Variants in MAPT observed in about 807,000 individuals in gnomAD.
MAPT encodes the protein microtubule-associated protein tau.
In MAPT, 34 loss-of-function variants were observed where a neutral mutation model predicts 67.9. The ratio of observed to expected loss-of-function variants is 0.50; its 90% CI spans 0.38 to 0.67. The LOEUF is 0.67. Ranked by LOEUF, MAPT falls within the 30% of genes least tolerant of loss-of-function variation. MAPT has a pLI of 0.00. For synonymous variants in MAPT, 456 were observed against 464.5 expected (o/e 0.98, Z 0.23); for missense variants, 881 against 1,115.2 (o/e 0.79, Z 2.99).
At chr17:46,009,933 C>T (rs779678209) in intron 9 of MAPT, among the ~76,000 whole-genome samples, 26 of 152,186 alleles carry the variant, frequency 1.7e-4, no homozygotes, top group Non-Finnish European at 2.6e-4. Context: ...ATTACTCACT[C>T]GTCAGTGTGG....
chr17:45,965,291 G>A (rs1474732502), intron 2 of MAPT, among the ~76,000 whole-genome samples: 2 of 151,822 alleles, frequency 1.3e-5, no homozygotes, highest in East Asian at 4.0e-4. Flanking sequence ...TTAACCAGGT[G>A]TGGTGGTGGG....
At chr17:45,972,230 C>A (rs374978015) in intron 3 of MAPT, 8 of 612,648 alleles carry the variant, frequency 1.3e-5, no homozygotes, top group Middle Eastern at 8.5e-4. Flanking sequence ...TCCTCCCACA[C>A]CCCCTTCAAA....
At chr17:46,006,951 T>TAATAAAATAA (rs922575328) in intron 9 of MAPT, among the ~76,000 whole-genome samples, 14 of 142,174 alleles carry the variant, frequency 9.8e-5, no homozygotes, top group African/African-American at 3.1e-4. Flanking sequence ...TAAAATAAAA[T>TAATAAAATAA]AATAAAATAA....
chr17:45,904,133 A>T, intron 1 of MAPT, among the ~76,000 whole-genome samples: 1 of 36,718 alleles, frequency 2.7e-5, no homozygotes, highest in Non-Finnish European at 4.9e-5. Flanking sequence ...TATATATTAT[A>T]TATGTATATA....
chr17:45,961,595 T>C (rs2070415996), intron 1 of MAPT, among the ~76,000 whole-genome samples: 1 of 152,192 alleles, frequency 6.6e-6, no homozygotes, highest in African/African-American at 2.4e-5. Flanking sequence ...TGCCTCACTT[T>C]CCTTACCAGA....
chr17:45,942,577 C>T (rs2068097228), intron 1 of MAPT, among the ~76,000 whole-genome samples: 1 of 152,212 alleles, frequency 6.6e-6, no homozygotes, highest in South Asian at 2.1e-4. Context: ...TAGCTCCAGG[C>T]GCCTCTCCAA....
Position 45,987,081 on chromosome 17 carries a change from G to T in MAPT, c.1393G>T (p.Asp465Tyr). ...SKSKDGTGSDDKKAKTSTRSS... is the reference protein window; with the variant it reads ...SKSKDGTGSDYKKAKTSTRSS... ...AAGCAAAGACGGGACTGGAAGCGAT[G>T]ACAAAAAAGCCAAGGTAAGCTGACG... is the stretch of plus-strand genomic sequence containing the variant. Residue 465 changes from aspartate (D) to tyrosine (Y), a missense_variant, in exon 6 of 13, where the codon GAC (aspartate) becomes TAC (tyrosine). Physicochemically the swap from Asp to Tyr is radical, Grantham distance 160 (BLOSUM62 -3). Transcript: ENST00000262410. The T allele has an allele frequency of 6.2e-7, 1 of 1,613,982 alleles. No homozygotes were observed. The highest frequency in any genetic ancestry group is 1.1e-5 in the South Asian group (1 of 91,046).
chr17:45,905,255 T>C (rs2064226760), intron 1 of MAPT, among the ~76,000 whole-genome samples: 1 of 152,232 alleles, frequency 6.6e-6, no homozygotes, highest in Non-Finnish European at 1.5e-5. Context: ...TGGATAATCC[T>C]ATAGGGATAA....
At chr17:45,926,251 G>A (rs1205908779) in intron 1 of MAPT, among the ~76,000 whole-genome samples, 1 of 146,970 alleles carries the variant, frequency 6.8e-6, no homozygotes, top group Non-Finnish European at 1.5e-5. Flanking sequence ...AACAGTAGCA[G>A]ACATAACTAT....
intron 1 of MAPT, among the ~76,000 whole-genome samples, chr17:45,948,514 C>T (rs1007463137): frequency 1.3e-5 from 2 of 152,174 alleles, no homozygotes; most frequent in East Asian, 3.8e-4. Context: ...GAAACAAGAG[C>T]TTTAGTTCTG....
chr17:45,952,857 GTA>G (rs1320992601), intron 1 of MAPT, among the ~76,000 whole-genome samples: 1 of 151,968 alleles, frequency 6.6e-6, no homozygotes, highest in Non-Finnish European at 1.5e-5. Context: ...GACATCTCAA[GTA>G]AAAAGTTGGG....
intron 9 of MAPT, chr17:45,999,721 CA>C (rs1490189261): frequency 7.0e-7 from 1 of 1,422,784 alleles, no homozygotes. Flanking sequence ...GTGGAGGCAG[CA>C]CGTCCAAATC....
intron 11 of MAPT, among the ~76,000 whole-genome samples, chr17:46,017,302 CCTT>C (rs934805517): frequency 2.0e-5 from 3 of 152,024 alleles, no homozygotes; most frequent in African/African-American, 2.4e-5. Flanking sequence ...AGAGAGGGAC[CCTT>C]CTTCTGTTCC....
chr17:45,954,353 G>A (rs1040556795), intron 1 of MAPT, among the ~76,000 whole-genome samples: 5 of 152,170 alleles, frequency 3.3e-5, no homozygotes, highest in South Asian at 4.2e-4. Context: ...AAAATGTGCC[G>A]ACTCTTGACC....
Position 45,989,466 on chromosome 17 carries a change from C to G in MAPT, c.1408-412C>G, listed in dbSNP as rs1418190690. ...GAGATCGAGACCATCCTGGCTAACA[C>G]AGTGAAACCCCATCTCTACTAAAAA... On this transcript the variant is annotated intron_variant, in intron 6 of 12. Transcript: ENST00000262410. Among the ~76,000 whole-genome samples the G allele has an allele frequency of 4.6e-5, 7 of 151,976 alleles. No homozygotes were observed. In the South Asian group the frequency reaches 1.0e-3, roughly 23 times the overall value.
rs529914619 is a variant in MAPT at position 45,990,380 on chromosome 17, G to A, written c.1605+305G>A. 2.5e-4 allele frequency: 116 copies of A among 473,446 alleles called. 1 individual carries two copies. The highest frequency in any genetic ancestry group is 6.0e-4 in the African/African-American group (31 of 51,250). The allele number at this position is 473,446 out of a possible 1,614,324, so 29.3% of individuals were successfully genotyped here. A position where few individuals can be genotyped will look rare whatever the true frequency, so the allele number is the denominator to read the frequency against. On this transcript the variant is annotated intron_variant, in intron 7 of 12. Transcript: ENST00000262410. Reference sequence around the variant, plus strand: ...TGTAATCCCAGCTCTTTAGGAGGCCGAGGAGGGTGGATCACCTGAGATCAG... The same window carrying A: ...TGTAATCCCAGCTCTTTAGGAGGCCAAGGAGGGTGGATCACCTGAGATCAG...
intron 1 of MAPT, among the ~76,000 whole-genome samples, chr17:45,911,413 T>G (rs1403277947): frequency 2.6e-5 from 4 of 152,190 alleles, no homozygotes; most frequent in Non-Finnish European, 4.4e-5. Context: ...GAGGATCTCT[T>G]GAGCCCAGGA....
intron 9 of MAPT, among the ~76,000 whole-genome samples, chr17:45,998,160 T>A (rs1202262906): frequency 6.6e-6 from 1 of 152,088 alleles, no homozygotes; most frequent in Non-Finnish European, 1.5e-5. Context: ...GAAGTTCTTA[T>A]CACTTGGGTC....
chr17:45,993,851 C>T, intron 8 of MAPT: 1 of 1,461,600 alleles, frequency 6.8e-7, no homozygotes, highest in Non-Finnish European at 9.4e-7. Flanking sequence ...TGGGTGCCTG[C>T]CACGTGAAGG....
Sources: gnomAD v4.1 joint callset for allele counts (sites outside exome capture counted in the v4.1 genomes callset) on GRCh38, gnomAD v4.1.1 for gene constraint, MANE v1.5 for transcripts, NCBI Gene and HGNC (gene_info 2026-07-23, HGNC 2026-07-21) for gene names.